ASTN2: variants seen among roughly 807,000 people sequenced by gnomAD.
ASTN2 encodes astrotactin-2.
Under a neutral mutation model 139.8 loss-of-function variants are expected in ASTN2, and 54 were observed. That is an observed-to-expected ratio of 0.39 (90% CI 0.31 to 0.48). ASTN2 has a LOEUF of 0.48. Ranked by LOEUF, ASTN2 falls within the 20% of genes least tolerant of loss-of-function variation. The pLI is 0.95. For missense variants in ASTN2, 1,565 were observed against 1,725.1 expected (o/e 0.91, Z 1.64); for synonymous variants, 756 against 719.5 (o/e 1.05, Z -0.81).
intron 2 of ASTN2, among the ~76,000 whole-genome samples, chr9:117,243,312 A>G (rs886374771): frequency 6.6e-5 from 10 of 152,214 alleles, no homozygotes; most frequent in African/African-American, 2.2e-4. Flanking sequence ...CTGAGAACAG[A>G]CTGAATTAGA....
intron 13 of ASTN2, among the ~76,000 whole-genome samples, chr9:116,777,573 G>C (rs1830115582): frequency 6.6e-6 from 1 of 152,090 alleles, no homozygotes; most frequent in African/African-American, 2.4e-5. Context: ...GGCGGGGTGG[G>C]AGACAGTTGT....
chr9:116,717,017 G>T (rs1828330458), intron 16 of ASTN2, among the ~76,000 whole-genome samples: 1 of 152,204 alleles, frequency 6.6e-6, no homozygotes, highest in African/African-American at 2.4e-5. Flanking sequence ...TAATCAGCCT[G>T]GGTTCAAATC....
At chr9:116,703,778 A>G (rs930305509) in intron 16 of ASTN2, among the ~76,000 whole-genome samples, 19 of 151,594 alleles carry the variant, frequency 1.3e-4, no homozygotes, top group Admixed American at 9.2e-4. Flanking sequence ...AGGGAAGTGG[A>G]AGGGAGAACC....
At chr9:117,061,860 A>G (rs1305105481) in intron 5 of ASTN2, among the ~76,000 whole-genome samples, 1 of 152,210 alleles carries the variant, frequency 6.6e-6, no homozygotes, top group African/African-American at 2.4e-5. Flanking sequence ...AAATCAAGAA[A>G]GGAAGAGAGG....
intron 20 of ASTN2, among the ~76,000 whole-genome samples, chr9:116,479,709 G>C (rs1849105035): frequency 6.6e-6 from 1 of 152,166 alleles, no homozygotes; most frequent in Non-Finnish European, 1.5e-5. Flanking sequence ...GACAAAGTTT[G>C]AAATTCAATG....
chr9:116,760,194 G>A lies in ASTN2; in HGVS notation c.2397-26671C>T, dbSNP rs963630323. On this transcript the variant is annotated intron_variant, in intron 13 of 22. Coordinates refer to ENST00000313400, the MANE Select transcript of ASTN2 (RefSeq NM_001365068.1). ...CCCAGGTGACTGCCAAAACTTCCCT[G>A]GGCTGGGATGCACAGGCTAGCCTCA... 1.5e-4 allele frequency among the ~76,000 whole-genome samples: 23 copies of A among 152,324 alleles called. 1 individual carries two copies. Among genetic ancestry groups the A allele is most frequent in the South Asian group, 8.3e-4 (4 of 4,824 alleles).
chr9:116,981,717 G>C (rs1448029154), intron 7 of ASTN2, among the ~76,000 whole-genome samples: 1 of 152,146 alleles, frequency 6.6e-6, no homozygotes, highest in Non-Finnish European at 1.5e-5. Flanking sequence ...ACATTACCAA[G>C]TTTTCTAAAA....
At chr9:117,387,064 T>C (rs1356080263) in intron 1 of ASTN2, among the ~76,000 whole-genome samples, 1 of 152,094 alleles carries the variant, frequency 6.6e-6, no homozygotes, top group Non-Finnish European at 1.5e-5. Flanking sequence ...GGGTTGGCTG[T>C]GGATTAAACA....
At position 116,936,289 on chromosome 9, in the gene ASTN2, C is replaced by T. The variant is rs967748788; in HGVS notation, c.1889+38919G>A. Reference sequence around the variant, plus strand: ...CACTACCATCACCACTACCACCCACCATCACCACCACCAACATTCCAACCA... The same window carrying T: ...CACTACCATCACCACTACCACCCACTATCACCACCACCAACATTCCAACCA... On this transcript the variant is annotated intron_variant, in intron 10 of 22. Coordinates refer to ENST00000313400, the MANE Select transcript of ASTN2 (RefSeq NM_001365068.1). Among the ~76,000 whole-genome samples, 4 of 140,630 alleles carry T rather than the reference C, an allele frequency of 2.8e-5. No individual in the cohort carries two copies. In the South Asian group the frequency reaches 9.4e-4, roughly 33 times the overall value. 92.3% of individuals were successfully genotyped at this position (140,630 alleles called of 152,430 possible).
intron 19 of ASTN2, among the ~76,000 whole-genome samples, chr9:116,578,347 C>T (rs1853806848): frequency 6.6e-6 from 1 of 152,066 alleles, no homozygotes; most frequent in Non-Finnish European, 1.5e-5. Context: ...TCTGAGGATC[C>T]TTTCTGGAAC....
rs749691280 is a variant in ASTN2, at chr9:116,685,169, T to C, written c.2807-33376A>G. ...CAGACCCTGCACTTGATGGATCAGCTGGCACCACCCAGATCAATAAACTCA... is the reference window on the plus strand; with the variant it reads ...CAGACCCTGCACTTGATGGATCAGCCGGCACCACCCAGATCAATAAACTCA... On this transcript the variant is annotated intron_variant, in intron 16 of 22. Transcript: ENST00000313400. Among the ~76,000 whole-genome samples, 9 of 152,170 alleles carry C rather than the reference T, an allele frequency of 5.9e-5. 1 individual carries two copies.
intron 19 of ASTN2, among the ~76,000 whole-genome samples, chr9:116,589,839 C>T (rs1854308320): frequency 6.6e-6 from 1 of 152,198 alleles, no homozygotes; most frequent in African/African-American, 2.4e-5. Flanking sequence ...GATAAGTCCC[C>T]CTAGATGTTG....
At chr9:116,835,677 T>C (rs1831964335) in intron 11 of ASTN2, among the ~76,000 whole-genome samples, 1 of 152,206 alleles carries the variant, frequency 6.6e-6, no homozygotes. Flanking sequence ...CCACCTTGGG[T>C]ACATGTTTTC....
rs559591186 is a variant in ASTN2, at chr9:117,377,662, T to A, written c.442+36835A>T. ...GAAGCTATATATAAATATATATATA[T>A]AATATATACACAAAAAAGTTCACTG... On this transcript the variant is annotated intron_variant, in intron 1 of 22. Coordinates refer to ENST00000313400, the MANE Select transcript of ASTN2 (RefSeq NM_001365068.1). 2.1e-3 allele frequency among the ~76,000 whole-genome samples: 314 copies of A among 151,136 alleles called. 2 individuals are homozygous for A. Among genetic ancestry groups the A allele is most frequent in the African/African-American group, 6.9e-3 (286 of 41,310 alleles).
chr9:117,341,954 A>C (rs1408440321), intron 1 of ASTN2, among the ~76,000 whole-genome samples: 1 of 152,202 alleles, frequency 6.6e-6, no homozygotes, highest in Non-Finnish European at 1.5e-5. Flanking sequence ...GGGAAACAAG[A>C]ATATATGAGC....
chr9:116,710,603 T>A (rs1828125223), intron 16 of ASTN2, among the ~76,000 whole-genome samples: 1 of 151,660 alleles, frequency 6.6e-6, no homozygotes, highest in Admixed American at 6.6e-5. Context: ...TGGTGGCGCA[T>A]GCCTGTAATC....
intron 1 of ASTN2, among the ~76,000 whole-genome samples, chr9:117,310,799 T>C (rs1827949894): frequency 6.6e-6 from 1 of 152,146 alleles, no homozygotes; most frequent in Admixed American, 6.5e-5. Context: ...TAATGTTTTA[T>C]TTTTTGTAGT....
In ASTN2 at chr9:116,698,607, CT is replaced by C; in HGVS notation, c.2806+27163del. On this transcript the variant is annotated intron_variant, in intron 16 of 22. Transcript: ENST00000313400. This position sits in a 1 kb window ranked among gnomAD's most constrained non-coding sequence, Gnocchi z 4.4. The stretch of plus-strand genomic sequence containing the variant: ...CCTTAAGGTAGGTCATGTTGGCCCC[CT>C]CCAAATTGGACAAGCTGTTAAGAAG... 1 of 1,614,114 alleles carries C rather than the reference CT, an allele frequency of 6.2e-7. No individual in the cohort carries two copies.
chr9:116,862,697 G>A (rs1437235689), intron 11 of ASTN2, among the ~76,000 whole-genome samples: 1 of 151,992 alleles, frequency 6.6e-6, no homozygotes, highest in Admixed American at 6.6e-5. Context: ...GATGTGGCTG[G>A]AGAAACTGAA....
Sources: allele counts gnomAD v4.1 joint callset (sites outside exome capture counted in the v4.1 genomes callset), GRCh38; gene constraint gnomAD v4.1.1; non-coding constraint Gnocchi (gnomAD v3.1); transcripts MANE v1.5; gene names NCBI Gene and HGNC (gene_info 2026-07-23, HGNC 2026-07-21).